SHQ1: variants seen among roughly 807,000 people sequenced by gnomAD.
The protein encoded by SHQ1 is protein SHQ1 homolog.
In SHQ1, 49 loss-of-function variants were observed where a neutral mutation model predicts 53.8. That is an observed-to-expected ratio of 0.91 (90% CI 0.72 to 1.16). SHQ1 has a LOEUF of 1.16. Ranked by LOEUF, SHQ1 falls within the 50% of genes most tolerant of loss-of-function variation. SHQ1 has a pLI of 0.00. For missense variants in SHQ1, 738 were observed against 683.1 expected (o/e 1.08, Z -0.90); for synonymous variants, 243 against 251.0 (o/e 0.97, Z 0.30).
chr3:72,763,867 C>G (rs915784821), intron 10 of SHQ1, among the ~76,000 whole-genome samples: 1 of 152,182 alleles, frequency 6.6e-6, no homozygotes, highest in Non-Finnish European at 1.5e-5. Flanking sequence ...GAATAAAGGT[C>G]TGTGGTTTTA....
intron 5 of SHQ1, among the ~76,000 whole-genome samples, chr3:72,827,691 A>T (rs1416742059): frequency 6.6e-6 from 1 of 151,864 alleles, no homozygotes; most frequent in Admixed American, 6.6e-5. Flanking sequence ...TTTACTTTTC[A>T]TAATAAATTA....
intron 1 of SHQ1, among the ~76,000 whole-genome samples, chr3:72,847,569 T>C (rs576500428): frequency 1.4e-4 from 21 of 151,734 alleles, no homozygotes; most frequent in Non-Finnish European, 1.6e-4. Flanking sequence ...AGGAGAATAA[T>C]TTAAACAGAT....
chr3:72,812,677 G>C lies in SHQ1; in HGVS notation c.1054C>G (p.Gln352Glu). Residue 352 changes from glutamine to glutamate, a missense_variant, in exon 9 of 11, where the codon CAA (glutamine) becomes GAA (glutamate). Coordinates refer to ENST00000325599, the MANE Select transcript of SHQ1 (RefSeq NM_018130.3). The part of the protein sequence containing the change: ...KAYRDTIKIL[Q>E]LGKSAVLKCL... The stretch of plus-strand genomic sequence containing the variant: ...AAGTACAGTAATATCTTACCCAGTT[G>C]CAATATCTTTATAGTGTCCCTGTAG... 6.2e-7 allele frequency: 1 copy of C among 1,613,768 alleles called. No homozygotes were observed. The highest frequency in any genetic ancestry group is 8.5e-7 in the Non-Finnish European group (1 of 1,179,878).
intron 9 of SHQ1, among the ~76,000 whole-genome samples, chr3:72,797,567 A>G (rs1407792417): frequency 6.6e-6 from 1 of 152,246 alleles, no homozygotes; most frequent in Non-Finnish European, 1.5e-5. Context: ...ATATTTTTAA[A>G]CAACTGAGAA....
In SHQ1 at chr3:72,788,390, T is replaced by C. The variant is rs1379848369; in HGVS notation, c.1181+4526A>G. On this transcript the variant is annotated intron_variant, in intron 10 of 10. Coordinates refer to ENST00000325599, the MANE Select transcript of SHQ1 (RefSeq NM_018130.3). ...CACCCCATCTGGGAGGTGAGGAGCATCTCTGACCAGCCGCCCCGTCTGAGA... is the reference window on the plus strand; with the variant it reads ...CACCCCATCTGGGAGGTGAGGAGCACCTCTGACCAGCCGCCCCGTCTGAGA... 2.0e-5 allele frequency among the ~76,000 whole-genome samples: 3 copies of C among 150,024 alleles called. No homozygotes were observed. The East Asian group carries it at 6.0e-4, about 30-fold the overall frequency.
intron 10 of SHQ1, among the ~76,000 whole-genome samples, chr3:72,785,387 G>A (rs1706198310): frequency 6.6e-6 from 1 of 152,208 alleles, no homozygotes; most frequent in African/African-American, 2.4e-5. Flanking sequence ...TGTATTCCCA[G>A]CTACTCCAGA....
downstream of SHQ1, among the ~76,000 whole-genome samples, chr3:72,747,802 A>T (rs1259986027): frequency 6.6e-6 from 1 of 152,136 alleles, no homozygotes; most frequent in Non-Finnish European, 1.5e-5. Context: ...AGCCTGGCCA[A>T]CATGGCGAAA....
chr3:72,822,088 T>C (rs2106889900), intron 6 of SHQ1, among the ~76,000 whole-genome samples: 1 of 152,286 alleles, frequency 6.6e-6, no homozygotes, highest in East Asian at 1.9e-4. Flanking sequence ...AACTCTGAGG[T>C]AGGTACAGCA....
At chr3:72,831,985 G>A (rs1260935240) in intron 5 of SHQ1, among the ~76,000 whole-genome samples, 1 of 152,132 alleles carries the variant, frequency 6.6e-6, no homozygotes, top group South Asian at 2.1e-4. Context: ...ATGTGGTACA[G>A]GTACATTTAA....
intron 10 of SHQ1, among the ~76,000 whole-genome samples, chr3:72,770,235 C>A (rs1421620030): frequency 2.0e-5 from 3 of 152,224 alleles, no homozygotes; most frequent in African/African-American, 7.2e-5. Context: ...TCCTAATTCT[C>A]CCCCATTTTA....
At chr3:72,730,667 A>G in the SHQ1 span, among the ~76,000 whole-genome samples, 1 of 152,146 alleles carries the variant, frequency 6.6e-6, no homozygotes, top group Non-Finnish European at 1.5e-5. Flanking sequence ...ACATACAAAT[A>G]ATGCCTATTA....
At chr3:72,824,998 G>A (rs1183047628) in intron 5 of SHQ1, among the ~76,000 whole-genome samples, 1 of 151,866 alleles carries the variant, frequency 6.6e-6, no homozygotes, top group Non-Finnish European at 1.5e-5. Flanking sequence ...ACAGGGTCTT[G>A]CTTCCTTGCC....
chr3:72,845,432 G>A (rs541521439), intron 1 of SHQ1, among the ~76,000 whole-genome samples: 9 of 151,468 alleles, frequency 5.9e-5, no homozygotes, highest in Non-Finnish European at 7.4e-5. Context: ...GCAGTGAGCC[G>A]AGATCATTTG....
At chr3:72,748,970 C>T (rs1032370866), downstream of SHQ1, among the ~76,000 whole-genome samples, 6 of 126,382 alleles carry the variant, frequency 4.7e-5, no homozygotes, top group South Asian at 2.2e-4. Context: ...CACACGCACA[C>T]GCACACACAC....
chr3:72,742,189 C>A, the SHQ1 span, among the ~76,000 whole-genome samples: 2 of 147,432 alleles, frequency 1.4e-5, no homozygotes, highest in Non-Finnish European at 3.0e-5. Flanking sequence ...CAGAGTGAGA[C>A]CCTATCTCTT....
chr3:72,781,194 G>T (rs761476423), intron 10 of SHQ1, among the ~76,000 whole-genome samples: 1 of 151,776 alleles, frequency 6.6e-6, no homozygotes, highest in African/African-American at 2.4e-5. Context: ...CAAGTAGCTG[G>T]GATTACAGGC....
chr3:72,753,966 G>A (rs1177979552), intron 10 of SHQ1, among the ~76,000 whole-genome samples: 2 of 152,148 alleles, frequency 1.3e-5, no homozygotes, highest in Non-Finnish European at 2.9e-5. Context: ...TCTCTGGGTA[G>A]TGACACACAA....
chr3:72,812,452 T>C (rs1707154307), intron 9 of SHQ1, among the ~76,000 whole-genome samples: 1 of 152,220 alleles, frequency 6.6e-6, no homozygotes, highest in Non-Finnish European at 1.5e-5. Context: ...CTGTTTACCT[T>C]CCTTACTCCT....
chr3:72,841,398 A>T (rs1175889370), intron 3 of SHQ1, among the ~76,000 whole-genome samples, 199 bp from the exon 4 acceptor site: 1 of 152,216 alleles, frequency 6.6e-6, no homozygotes, highest in East Asian at 1.9e-4. Flanking sequence ...ATACAATGGA[A>T]TATTACAGAG....
Sources: allele counts gnomAD v4.1 joint callset (sites outside exome capture counted in the v4.1 genomes callset), GRCh38; gene constraint gnomAD v4.1.1; transcripts MANE v1.5; gene names NCBI Gene and HGNC (gene_info 2026-07-23, HGNC 2026-07-21).